The following BACH2 variants were observed in gnomAD, a reference collection of about 807,000 sequenced individuals.
BACH2 encodes transcription regulator protein BACH2.
Under a neutral mutation model 61.8 loss-of-function variants are expected in BACH2, and 5 were observed. That is an observed-to-expected ratio of 0.08 (90% CI 0.04 to 0.17). BACH2 has a LOEUF of 0.17. Among genes scored for constraint, BACH2 ranks in the 10% least tolerant of loss-of-function variants. The pLI, the probability that BACH2 is intolerant of heterozygous loss-of-function variation, is 1.00. For synonymous variants in BACH2, 446 were observed against 440.1 expected (o/e 1.01, Z -0.17); for missense variants, 824 against 1,091.1 (o/e 0.76, Z 3.45).
intron 5 of BACH2, among the ~76,000 whole-genome samples, chr6:90,082,568 T>A (rs562507216): frequency 6.6e-6 from 1 of 152,252 alleles, no homozygotes; most frequent in South Asian, 2.1e-4. Context: ...AATTTGGAAT[T>A]AGTTAATTAG....
intron 2 of BACH2, among the ~76,000 whole-genome samples, chr6:90,255,538 G>A (rs1363431340): frequency 1.3e-5 from 2 of 152,176 alleles, no homozygotes; most frequent in Admixed American, 1.3e-4. Context: ...TGAGAGGACA[G>A]GTTGTCCAGG....
At chr6:90,123,541 C>G (rs886327268) in intron 4 of BACH2, among the ~76,000 whole-genome samples, 8 of 151,542 alleles carry the variant, frequency 5.3e-5, no homozygotes, top group Non-Finnish European at 1.2e-4. Flanking sequence ...GAGGCCGAGG[C>G]GGGCGGATCA....
chr6:90,108,966 C>T (rs1186257516), intron 4 of BACH2, among the ~76,000 whole-genome samples: 2 of 152,138 alleles, frequency 1.3e-5, no homozygotes, highest in Admixed American at 6.5e-5. Context: ...CTGAATTTAC[C>T]TTCACTGTCC....
chr6:90,160,077 C>A (rs765636907), intron 4 of BACH2, among the ~76,000 whole-genome samples: 15 of 152,104 alleles, frequency 9.9e-5, no homozygotes, highest in Non-Finnish European at 1.9e-4. Context: ...TCAGTATCTG[C>A]AAAATATATG....
chr6:90,296,464 G>C lies in BACH2; in HGVS notation c.-446+16C>G, dbSNP rs1380088946. On this transcript the variant is annotated intron_variant, in intron 1 of 8. Coordinates refer to ENST00000257749, the MANE Select transcript of BACH2 (RefSeq NM_021813.4). ...CGCCCAGCGGCGGGGCCCGGGGCCC[G>C]GGGCCCGGGACTCACCTCGCCGGAG... 1 of 150,712 alleles carries C rather than the reference G, an allele frequency of 6.6e-6. No homozygotes were observed. The highest frequency in any genetic ancestry group is 2.4e-5 in the African/African-American group (1 of 41,238). 9.3% of individuals were successfully genotyped at this position (150,712 alleles called of 1,614,324 possible). A position where few individuals can be genotyped will look rare whatever the true frequency, so the allele number is the denominator to read the frequency against.
At chr6:90,147,126 T>G (rs1158677348) in intron 4 of BACH2, among the ~76,000 whole-genome samples, 2 of 152,142 alleles carry the variant, frequency 1.3e-5, no homozygotes, top group Non-Finnish European at 2.9e-5. Context: ...ACTTGCTATA[T>G]GCAATATTTA....
In BACH2 at chr6:89,932,654, G is replaced by A. The variant is rs368652670; in HGVS notation, c.2280C>T (p.Cys760=). 96 of 1,614,142 alleles carry A rather than the reference G, an allele frequency of 5.9e-5. 1 individual carries two copies. The highest frequency in any genetic ancestry group is 5.2e-4 in the African/African-American group (39 of 75,040). ...AGCAGGGCACGTTTTCCCCCACTGC[G>A]CATTGGGAGGCCGCAATGTTCTGCT... ...GAEQNIAASQ[C]AVGENVPCCL... Residue 760 remains cysteine, a synonymous_variant, in exon 9 of 9, where the codon TGC becomes TGT. Transcript: ENST00000257749.
At chr6:89,954,371 C>A (rs1774298141) in intron 6 of BACH2, among the ~76,000 whole-genome samples, 1 of 151,424 alleles carries the variant, frequency 6.6e-6, no homozygotes, top group Admixed American at 6.6e-5. Flanking sequence ...CATATGTACA[C>A]ATGTGTCATG....
chr6:89,957,235 C>T (rs1774472974), intron 6 of BACH2, among the ~76,000 whole-genome samples: 3 of 152,220 alleles, frequency 2.0e-5, no homozygotes, highest in Non-Finnish European at 2.9e-5. Context: ...TGAAAACTGA[C>T]TTAGTGATCA....
Position 90,048,966 on chromosome 6 carries a change from T to C in BACH2, c.-13+39995A>G, listed in dbSNP as rs577166097. Among the ~76,000 whole-genome samples the C allele has an allele frequency of 3.3e-5, 5 of 152,338 alleles. No individual in the cohort carries two copies. The South Asian group carries it at 1.0e-3, about 32-fold the overall frequency. On this transcript the variant is annotated intron_variant, in intron 5 of 8. Transcript: ENST00000257749. ...AAACAGAACCCAACTTGCAGGGTTC[T>C]AGTGAGGATTGTGTTAATGTAAGCA...
intron 4 of BACH2, among the ~76,000 whole-genome samples, chr6:90,096,687 G>A (rs984300403): frequency 1.3e-5 from 2 of 152,154 alleles, no homozygotes; most frequent in Non-Finnish European, 2.9e-5. Flanking sequence ...GCCAGCCCTC[G>A]AGTCCTAGGC....
chr6:89,952,557 G>T (rs887839502), intron 6 of BACH2, among the ~76,000 whole-genome samples: 3 of 152,120 alleles, frequency 2.0e-5, no homozygotes, highest in Admixed American at 6.5e-5. Context: ...ATAATGAATG[G>T]GGGTTGCAGA....
At chr6:90,180,205 A>G (rs1047536521) in intron 4 of BACH2, among the ~76,000 whole-genome samples, 1 of 152,202 alleles carries the variant, frequency 6.6e-6, no homozygotes, top group African/African-American at 2.4e-5. Context: ...GATGTTACTT[A>G]TTAAAATCAA....
intron 5 of BACH2, among the ~76,000 whole-genome samples, chr6:90,021,710 TG>T (rs1778387720): frequency 2.0e-5 from 3 of 152,252 alleles, no homozygotes; most frequent in Admixed American, 2.0e-4. Flanking sequence ...TTATTACTTT[TG>T]GATTGGAAAC....
At chr6:90,085,582 T>C (rs966453532) in intron 5 of BACH2, among the ~76,000 whole-genome samples, 5 of 152,248 alleles carry the variant, frequency 3.3e-5, no homozygotes, top group African/African-American at 1.2e-4. Flanking sequence ...TGATGGCTTC[T>C]GACAACTGTG....
intron 3 of BACH2, among the ~76,000 whole-genome samples, chr6:90,213,214 C>T (rs996659336): frequency 1.3e-5 from 2 of 152,198 alleles, no homozygotes; most frequent in Non-Finnish European, 2.9e-5. Flanking sequence ...GAGTCTGCTA[C>T]TCAGCTCTAG....
intron 6 of BACH2, among the ~76,000 whole-genome samples, chr6:89,989,298 T>C (rs1356836582): frequency 6.6e-6 from 1 of 152,098 alleles, no homozygotes; most frequent in African/African-American, 2.4e-5. Context: ...AAACAACAAC[T>C]CTCCTTTTCC....
chr6:90,122,362 GTC>G (rs1316854931), intron 4 of BACH2, among the ~76,000 whole-genome samples: 1 of 152,156 alleles, frequency 6.6e-6, no homozygotes, highest in African/African-American at 2.4e-5. Flanking sequence ...GCTTGTGGCA[GTC>G]TCAGAATCAA....
At chr6:90,009,814 G>T (rs1397980578) in intron 5 of BACH2, among the ~76,000 whole-genome samples, 1 of 152,140 alleles carries the variant, frequency 6.6e-6, no homozygotes, top group East Asian at 1.9e-4. Context: ...ACAGGCATGT[G>T]CCACCGTGCC....
Sources: gnomAD v4.1 joint callset for allele counts (sites outside exome capture counted in the v4.1 genomes callset) on GRCh38, gnomAD v4.1.1 for gene constraint, MANE v1.5 for transcripts, NCBI Gene and HGNC (gene_info 2026-07-23, HGNC 2026-07-21) for gene names.